Variants in GALNT13 observed in about 807,000 individuals in gnomAD.
GALNT13 encodes UDP-GalNAc:polypeptide N-acetylgalactosaminyltransferase 13.
GALNT13 carries 28 observed loss-of-function variants against 64.2 expected under a neutral mutation model. That is an observed-to-expected ratio of 0.44 (90% CI 0.32 to 0.60). The LOEUF (loss-of-function observed/expected upper bound fraction) is 0.60, where lower values mean the gene tolerates loss of function less well. Ranked by LOEUF, GALNT13 falls within the 20% of genes least tolerant of loss-of-function variation. The pLI, the probability that GALNT13 is intolerant of heterozygous loss-of-function variation, is 0.05. For synonymous variants in GALNT13, 214 were observed against 224.6 expected (o/e 0.95, Z 0.42); for missense variants, 577 against 669.8 (o/e 0.86, Z 1.53).
chr2:153,122,449 C>T, the GALNT13 span, among the ~76,000 whole-genome samples: 1 of 152,176 alleles, frequency 6.6e-6, no homozygotes, highest in Non-Finnish European at 1.5e-5. Context: ...AGTCGATTTA[C>T]AGTCATACAG....
At chr2:153,237,473 C>T in the GALNT13 span, among the ~76,000 whole-genome samples, 1 of 151,908 alleles carries the variant, frequency 6.6e-6, no homozygotes, top group Admixed American at 6.6e-5. Context: ...CATTAGCCAT[C>T]CCCACTACCC....
the GALNT13 span, among the ~76,000 whole-genome samples, chr2:153,144,233 T>C: frequency 2.0e-5 from 3 of 151,876 alleles, no homozygotes; most frequent in African/African-American, 4.8e-5. Flanking sequence ...GAAGGGAATA[T>C]GGTGCAATGG....
At chr2:153,865,179 A>C in the GALNT13 span, among the ~76,000 whole-genome samples, 1 of 70,316 alleles carries the variant, frequency 1.4e-5, no homozygotes, top group East Asian at 2.5e-4. Context: ...TTAAAGATTT[A>C]AACGTTAGAC....
rs190040206 is a variant in GALNT13 at position 154,223,472 on chromosome 2, A to T, written c.312-18558A>T. ...TCTTTTTTTTTTTTTTTTTTTTGAG[A>T]CAGAGTTTTGCTCTTGCTGCCCAGG... On this transcript the variant is annotated intron_variant, in intron 4 of 12. Transcript: ENST00000392825. Among the ~76,000 whole-genome samples, 16 of 116,080 alleles carry T rather than the reference A, an allele frequency of 1.4e-4. No homozygotes were observed. The East Asian group carries it at 3.9e-3, about 28-fold the overall frequency. 76.2% of individuals were successfully genotyped at this position (116,080 alleles called of 152,430 possible).
chr2:154,133,286 C>T (rs565932751), intron 3 of GALNT13, among the ~76,000 whole-genome samples: 58 of 151,824 alleles, frequency 3.8e-4, no homozygotes, highest in Non-Finnish European at 6.2e-4. Flanking sequence ...ACTATTGGGG[C>T]ATTGAAATAA....
Position 154,260,633 on chromosome 2 carries a change from A to C in GALNT13, c.975+1495A>C, listed in dbSNP as rs147805178. The stretch of plus-strand genomic sequence containing the variant: ...TATCTTCTTGCCTTCAGGTCCATGG[A>C]CAGTAACTCTTTGCAGGAATTTTGA... On this transcript the variant is annotated intron_variant, in intron 8 of 12. Coordinates refer to ENST00000392825, the MANE Select transcript of GALNT13 (RefSeq NM_052917.4). Among the ~76,000 whole-genome samples the C allele has an allele frequency of 6.5e-3, 989 of 152,302 alleles. 10 individuals are homozygous for C. The highest frequency in any genetic ancestry group is 0.023 in the African/African-American group (950 of 41,554).
At chr2:153,551,120 C>T in the GALNT13 span, among the ~76,000 whole-genome samples, 2 of 152,178 alleles carry the variant, frequency 1.3e-5, no homozygotes, top group African/African-American at 4.8e-5. Context: ...AGCTGTCCTA[C>T]ATCAGGAAAA....
chr2:153,916,376 C>T (rs893762992), intron 2 of GALNT13, among the ~76,000 whole-genome samples: 4 of 151,946 alleles, frequency 2.6e-5, no homozygotes, highest in Non-Finnish European at 5.9e-5. Flanking sequence ...AGGCTGGTCT[C>T]GAACTCCTGG....
the GALNT13 span, among the ~76,000 whole-genome samples, chr2:153,280,925 T>C: frequency 2.0e-5 from 3 of 152,308 alleles, no homozygotes; most frequent in East Asian, 5.8e-4. Context: ...TTTGTTACTT[T>C]TCTGTCTGGA....
chr2:153,198,518 G>T, the GALNT13 span, among the ~76,000 whole-genome samples: 1 of 152,108 alleles, frequency 6.6e-6, no homozygotes, highest in African/African-American at 2.4e-5. Flanking sequence ...TCTCTCTTAG[G>T]TGTTCTATTC....
intron 3 of GALNT13, among the ~76,000 whole-genome samples, chr2:153,955,670 A>T (rs1313779421): frequency 1.3e-5 from 2 of 152,168 alleles, no homozygotes; most frequent in African/African-American, 4.8e-5. Flanking sequence ...CCCAGAGTGG[A>T]TCTTAGCCTG....
At chr2:154,428,352 CTG>C (rs1271418533) in intron 11 of GALNT13, among the ~76,000 whole-genome samples, 1 of 152,142 alleles carries the variant, frequency 6.6e-6, no homozygotes, top group Non-Finnish European at 1.5e-5. Context: ...ATATATCAAA[CTG>C]TGAACTTTTA....
At chr2:154,211,987 T>A (rs1363952186) in intron 4 of GALNT13, among the ~76,000 whole-genome samples, 2 of 152,100 alleles carry the variant, frequency 1.3e-5, no homozygotes, top group Non-Finnish European at 2.9e-5. Context: ...TGGTAATCTG[T>A]GAGATATGTA....
chr2:154,289,644 C>T (rs1004015570), intron 8 of GALNT13, among the ~76,000 whole-genome samples: 5 of 152,194 alleles, frequency 3.3e-5, no homozygotes, highest in South Asian at 4.1e-4. Flanking sequence ...ATCATGGGAG[C>T]TGCAATTCAA....
At chr2:153,195,783 A>T in the GALNT13 span, among the ~76,000 whole-genome samples, 1 of 152,230 alleles carries the variant, frequency 6.6e-6, no homozygotes, top group African/African-American at 2.4e-5. Context: ...AACCAGGAAG[A>T]ATGAGCTATG....
the GALNT13 span, among the ~76,000 whole-genome samples, chr2:153,716,834 G>A: frequency 6.6e-6 from 1 of 152,078 alleles, no homozygotes; most frequent in Non-Finnish European, 1.5e-5. Flanking sequence ...ACACTTTTTG[G>A]TTTCTAAAGC....
intron 3 of GALNT13, among the ~76,000 whole-genome samples, chr2:153,988,643 G>A (rs1694965906): frequency 2.0e-5 from 3 of 151,928 alleles, no homozygotes; most frequent in African/African-American, 7.2e-5. Flanking sequence ...AGCATTGACG[G>A]TGATTATAAG....
chr2:153,359,167 G>A, the GALNT13 span, among the ~76,000 whole-genome samples: 1 of 152,204 alleles, frequency 6.6e-6, no homozygotes, highest in Admixed American at 6.5e-5. Flanking sequence ...AATGATAAAT[G>A]CATTCTTTTG....
the GALNT13 span, among the ~76,000 whole-genome samples, chr2:153,374,007 C>G: frequency 6.6e-6 from 1 of 152,160 alleles, no homozygotes; most frequent in Non-Finnish European, 1.5e-5. Flanking sequence ...TTTATTCAAA[C>G]ATCCATCGAT....
Sources: gnomAD v4.1 joint callset for allele counts (sites outside exome capture counted in the v4.1 genomes callset) on GRCh38, gnomAD v4.1.1 for gene constraint, MANE v1.5 for transcripts, NCBI Gene and HGNC (gene_info 2026-07-23, HGNC 2026-07-21) for gene names.